Variants in TNXB observed in about 807,000 individuals in gnomAD.
TNXB encodes the protein tenascin-X.
In TNXB, 183 loss-of-function variants were observed where a neutral mutation model predicts 340.5. That is an observed-to-expected ratio of 0.54 (90% CI 0.48 to 0.61). TNXB has a LOEUF of 0.61. Among genes scored for constraint, TNXB ranks in the 20% least tolerant of loss-of-function variants. The probability of loss-of-function intolerance (pLI) is 0.00; values close to 1 mark genes in which losing one functional copy is unlikely to be tolerated. For missense variants in TNXB, 4,613 were observed against 5,446.4 expected (o/e 0.85, Z 4.82); for synonymous variants, 2,121 against 2,314.5 (o/e 0.92, Z 2.40).
chr6:32,058,309 A>G lies in TNXB; in HGVS notation c.7574T>C (p.Leu2525Pro), dbSNP rs756842285. 2 of 1,611,770 alleles carry G rather than the reference A, an allele frequency of 1.2e-6. No homozygotes were observed. The highest frequency in any genetic ancestry group is 2.2e-5 in the South Asian group (2 of 91,064). ...EAPGPPEEPLLGELTVTGSSP... is the reference protein window; with the variant it reads ...EAPGPPEEPLPGELTVTGSSP... ...GGATCCTGTCACTGTCAGCTCCCCCAGGAGAGGCTCCTCGGGGGGCCCTGG... is the reference window on the plus strand; with the variant it reads ...GGATCCTGTCACTGTCAGCTCCCCCGGGAGAGGCTCCTCGGGGGGCCCTGG... Residue 2525 changes from leucine (L) to proline (P), a missense_variant, in exon 22 of 44, where the codon CTG becomes CCG. This residue lies in a region of TNXB where 4,327 missense variants were observed against 4,859.4 expected (regional missense o/e 0.89). Transcript: ENST00000644971. This position sits in a 1 kb window ranked among gnomAD's most constrained non-coding sequence, Gnocchi z 5.1.
In TNXB at chr6:32,097,140, C is replaced by T. The variant is rs543687601; in HGVS notation, c.713G>A (p.Gly238Asp). 2 of 1,604,692 alleles carry T rather than the reference C, an allele frequency of 1.2e-6. No individual in the cohort carries two copies. The highest frequency in any genetic ancestry group is 2.2e-5 in the South Asian group (2 of 89,638). ...CTGGCTGCAGTCGGGGCCTGAGAAGCCTGCCCGGCACACACACACGCCCTG... is the reference window on the plus strand; with the variant it reads ...CTGGCTGCAGTCGGGGCCTGAGAAGTCTGCCCGGCACACACACACGCCCTG... ...CVQGVCVCRA[G>D]FSGPDCSQRS... Residue 238 changes from glycine (G) to aspartate (D), a missense_variant, in exon 3 of 44, where the codon GGC becomes GAC. Gly to Asp is a moderately conservative substitution (Grantham distance 94). Around this residue, in one of 7 missense-constraint regions of TNXB, gnomAD observed 4,327 missense variants for 4,859.4 expected, o/e 0.89. Transcript: ENST00000644971. This position sits in a 1 kb window ranked among gnomAD's most constrained non-coding sequence, Gnocchi z 5.9.
chr6:32,066,638 T>C (rs1217044733), intron 18 of TNXB, among the ~76,000 whole-genome samples: 1 of 152,164 alleles, frequency 6.6e-6, no homozygotes, highest in Non-Finnish European at 1.5e-5. Context: ...AAGATTTCTT[T>C]TGGGGGTGAT....
At position 32,083,454 on chromosome 6, in the gene TNXB, C is replaced by CA. The variant is rs1315904940; in HGVS notation, c.3445+958dup. Among the ~76,000 whole-genome samples the CA allele has an allele frequency of 3.9e-5, 6 of 152,170 alleles. 1 individual carries two copies. Among genetic ancestry groups the CA allele is most frequent in the African/African-American group, 1.4e-4 (6 of 41,436 alleles). On this transcript the variant is annotated intron_variant, in intron 8 of 43. Transcript: ENST00000644971. This position sits in a 1 kb window ranked among gnomAD's most constrained non-coding sequence, Gnocchi z 4.6. ...TCACAACTGACTCTCAATAAATGCA[C>CA]AAAAGGTATTTATGTAAGTGTCTCT...
At position 32,042,685 on chromosome 6, in the gene TNXB, G is replaced by A. The variant is rs764071653; in HGVS notation, c.12058+14C>T. 2.0e-5 allele frequency: 24 copies of A among 1,214,900 alleles called. No homozygotes were observed. Among genetic ancestry groups the A allele is most frequent in the South Asian group, 9.0e-5 (7 of 78,058 alleles). 75.3% of individuals were successfully genotyped at this position (1,214,900 alleles called of 1,614,324 possible). A position where few individuals can be genotyped will look rare whatever the true frequency, so the allele number is the denominator to read the frequency against. ...CCACCCAGCCCCCGGCCCCGGGCCC[G>A]TGCGTCCAGGTACCCGTGGTGAAAG... On this transcript the variant is annotated intron_variant, in intron 39 of 43. Transcript: ENST00000644971.
At position 32,082,368 on chromosome 6, in the gene TNXB, A is replaced by G. The variant is rs750318100; in HGVS notation, c.3446-42T>C. 6.5e-7 allele frequency: 1 copy of G among 1,541,240 alleles called. No homozygotes were observed. The highest frequency in any genetic ancestry group is 1.4e-5 in the African/African-American group (1 of 73,430). On this transcript the variant is annotated intron_variant, in intron 8 of 43. Transcript: ENST00000644971. This position sits in a 1 kb window ranked among gnomAD's most constrained non-coding sequence, Gnocchi z 5.0. ...GAGAGAAGGGAGAGACTTAGGTCCA[A>G]GGAGAATGGGGAAGCCAAATCCCAC...
Position 32,067,735 on chromosome 6 carries a change from C to T in TNXB, c.6470G>A (p.Arg2157His), listed in dbSNP as rs768307848. The stretch of plus-strand genomic sequence containing the variant: ...GCCGTACAGGTGCATCTTGTACTTG[C>T]GCCCAGGCTCCAGGCCCCCCACGGT... ...EVTVGGLEPG[R>H]KYKMHLYGLH... Residue 2157 changes from arginine (R) to histidine (H), a missense_variant, in exon 18 of 44, where the codon CGC (arginine) becomes CAC (histidine). By Grantham distance (29) the Arg-to-His change is conservative (BLOSUM62 0). This residue lies in a region of TNXB where 4,327 missense variants were observed against 4,859.4 expected (regional missense o/e 0.89). Transcript: ENST00000644971. The surrounding 1 kb of genome is among the most constrained non-coding windows in gnomAD (Gnocchi z 4.2). 1.1e-5 allele frequency: 18 copies of T among 1,613,616 alleles called. No homozygotes were observed. The highest frequency in any genetic ancestry group is 2.2e-5 in the East Asian group (1 of 44,882).
chr6:32,097,164 T>G lies in TNXB; in HGVS notation c.689A>C (p.Gln230Pro). The G allele has an allele frequency of 6.3e-7, 1 of 1,597,706 alleles. No homozygotes were observed. Among genetic ancestry groups the G allele is most frequent in the South Asian group, 1.1e-5 (1 of 88,924 alleles). ...GCCTGCCCGGCACACACACACGCCC[T>G]GCACGCAGCGCCCACGGCCTTGGCA... Reference protein sequence around the residue: ...GDCQGRGRCVQGVCVCRAGFS... With the variant: ...GDCQGRGRCVPGVCVCRAGFS... The change falls in exon 3 of 44, where the codon CAG (glutamine) becomes CCG (proline). Residue 230 changes from glutamine to proline, a missense_variant. Coordinates refer to ENST00000644971, the MANE Select transcript of TNXB (RefSeq NM_001365276.2). The surrounding 1 kb of genome is among the most constrained non-coding windows in gnomAD (Gnocchi z 5.9).
chr6:32,044,048 C>A lies in TNXB; in HGVS notation c.11345G>T (p.Arg3782Leu), dbSNP rs542870641. 1.0e-4 allele frequency: 157 copies of A among 1,556,310 alleles called. 1 individual carries two copies. The South Asian group carries it at 1.7e-3, about 17-fold the overall frequency. Residue 3782 changes from arginine (R) to leucine (L), a missense_variant, in exon 34 of 44, where the codon CGG becomes CTG. Physicochemically the swap from Arg to Leu is moderately radical, Grantham distance 102. Around this residue, in one of 7 missense-constraint regions of TNXB, gnomAD observed 14 missense variants for 33.4 expected, o/e 0.42. Transcript: ENST00000644971. ...AKVNWMPPPS[R>L]ADSFKVSYQL... Reference sequence around the variant, plus strand: ...GTAGGAGACTTTGAAGCTGTCCGCCCGGGATGGTGGGGGCATCCAGTTGAC... The same window carrying A: ...GTAGGAGACTTTGAAGCTGTCCGCCAGGGATGGTGGGGGCATCCAGTTGAC...
rs377661896 is a variant in TNXB, at chr6:32,046,180, A to T, written c.10601T>A (p.Met3534Lys). Residue 3534 changes from methionine (M) to lysine (K), a missense_variant, in exon 31 of 44, where the codon ATG (methionine) becomes AAG (lysine). This residue lies in a region of TNXB where 4,327 missense variants were observed against 4,859.4 expected (regional missense o/e 0.89). Coordinates refer to ENST00000644971, the MANE Select transcript of TNXB (RefSeq NM_001365276.2). The surrounding 1 kb of genome is among the most constrained non-coding windows in gnomAD (Gnocchi z 6.9). ...GCCAGGCACAGCAGCCTCACCTGTCATTCCCAGGGCAGAGACCGGGCCCAG... is the reference window on the plus strand; with the variant it reads ...GCCAGGCACAGCAGCCTCACCTGTCTTTCCCAGGGCAGAGACCGGGCCCAG... Reference protein sequence around the residue: ...KRLGPVSALGMTAPEEDTPAP... With the variant: ...KRLGPVSALGKTAPEEDTPAP... 2.3e-5 allele frequency: 37 copies of T among 1,580,838 alleles called. No individual in the cohort carries two copies. In the Middle Eastern group the frequency reaches 3.7e-3, roughly 157 times the overall value.
chr6:32,068,773 T>C lies in TNXB; in HGVS notation c.5902+49A>G. Reference sequence around the variant, plus strand: ...GTATCCGCGGGACTCTGCTGTCCTCTGGACTCTCCCAGCCATCTGAAAGGA... The same window carrying C: ...GTATCCGCGGGACTCTGCTGTCCTCCGGACTCTCCCAGCCATCTGAAAGGA... On this transcript the variant is annotated intron_variant, in intron 16 of 43. Transcript: ENST00000644971. This position sits in a 1 kb window ranked among gnomAD's most constrained non-coding sequence, Gnocchi z 5.3. The C allele has an allele frequency of 1.3e-6, 2 of 1,593,342 alleles. No homozygotes were observed. The highest frequency in any genetic ancestry group is 1.7e-6 in the Non-Finnish European group (2 of 1,167,576).
intron 6 of TNXB, among the ~76,000 whole-genome samples, chr6:32,086,639 G>A (rs1242057877): frequency 1.3e-5 from 2 of 152,202 alleles, no homozygotes; most frequent in East Asian, 3.8e-4. Flanking sequence ...CAGCCACAGG[G>A]TGCCCTTTCC....
At chr6:32,099,492 A>G (rs889600327) in intron 1 of TNXB, among the ~76,000 whole-genome samples, 2 of 152,126 alleles carry the variant, frequency 1.3e-5, no homozygotes, top group African/African-American at 4.8e-5. Context: ...TTGGCCTCCC[A>G]AAGTGCTGGG....
chr6:32,096,352 A>C lies in TNXB; in HGVS notation c.1501T>G (p.Cys501Gly). 2 of 1,553,356 alleles carry C rather than the reference A, an allele frequency of 1.3e-6. No homozygotes were observed. Among genetic ancestry groups the C allele is most frequent in the Non-Finnish European group, 1.7e-6 (2 of 1,156,018 alleles). The stretch of plus-strand genomic sequence containing the variant: ...TCCACGCAGCGCCCGCGCCCGCGAC[A>C]GTCGCCAGGACAGGCGCGCGTGCCG... ...DCGTRACPGD[C>G]RGRGRCVDGR... Residue 501 changes from cysteine to glycine, a missense_variant, in exon 3 of 44, where the codon TGT (cysteine) becomes GGT (glycine). Cys to Gly is a radical substitution (Grantham distance 159). Around this residue, in one of 7 missense-constraint regions of TNXB, gnomAD observed 4,327 missense variants for 4,859.4 expected, o/e 0.89. Transcript: ENST00000644971.
At position 32,052,779 on chromosome 6, in the gene TNXB, C is replaced by T. The variant is rs1217919520; in HGVS notation, c.9006G>A (p.Glu3002=). ...RPQVVRVRGE[E]SEVTVGGLEP... ...CCAGGCCCCCCACGGTGACCTCGCTCTCCTCGCCCCTGACACGCACCACCT... is the reference window on the plus strand; with the variant it reads ...CCAGGCCCCCCACGGTGACCTCGCTTTCCTCGCCCCTGACACGCACCACCT... Residue 3002 remains glutamate, a synonymous_variant, in exon 26 of 44, where the codon GAG becomes GAA. Coordinates refer to ENST00000644971, the MANE Select transcript of TNXB (RefSeq NM_001365276.2). The surrounding 1 kb of genome is among the most constrained non-coding windows in gnomAD (Gnocchi z 4.7). The T allele has an allele frequency of 9.9e-6, 16 of 1,613,712 alleles. No individual in the cohort carries two copies. Among genetic ancestry groups the T allele is most frequent in the Non-Finnish European group, 1.3e-5 (15 of 1,179,892 alleles).
At position 32,056,146 on chromosome 6, in the gene TNXB, C is replaced by T. The variant is rs1383180942; in HGVS notation, c.8172G>A (p.Thr2724=). Residue 2724 remains threonine, a synonymous_variant, in exon 24 of 44, where the codon ACG becomes ACA. Coordinates refer to ENST00000644971, the MANE Select transcript of TNXB (RefSeq NM_001365276.2). ...TAAEEETPSP[T]ELSTEAPEPP... ...GCTCCGGGGCCTCAGTGCTGAGTTCCGTGGGGCTGGGGGTCTCTTCCTCTG... is the reference window on the plus strand; with the variant it reads ...GCTCCGGGGCCTCAGTGCTGAGTTCTGTGGGGCTGGGGGTCTCTTCCTCTG... 6.8e-6 allele frequency: 11 copies of T among 1,612,154 alleles called. No homozygotes were observed. Among genetic ancestry groups the T allele is most frequent in the African/African-American group, 6.7e-5 (5 of 74,968 alleles).
chr6:32,053,343 G>C, intron 25 of TNXB, 45 bp downstream of exon 25: 1 of 1,589,162 alleles, frequency 6.3e-7, no homozygotes, highest in Non-Finnish European at 8.6e-7. Context: ...GAGAAAGGGA[G>C]ACCCTCCCAC....
In TNXB at chr6:32,108,303, G is replaced by T. The variant is rs1313995679; in HGVS notation, c.-9+878C>A. ...CTATGCCATTAAATTCTTTCCAGGC[G>T]AGATAAGGGGCCCGCCCTTCCCACC... On this transcript the variant is annotated intron_variant, in intron 1 of 43. Transcript: ENST00000644971. This position sits in a 1 kb window ranked among gnomAD's most constrained non-coding sequence, Gnocchi z 4.8. 1.3e-5 allele frequency among the ~76,000 whole-genome samples: 2 copies of T among 152,154 alleles called. No homozygotes were observed. The highest frequency in any genetic ancestry group is 2.9e-5 in the Non-Finnish European group (2 of 68,030).
Position 32,043,004 on chromosome 6 carries a change from C to T in TNXB, c.11872G>A (p.Val3958Ile), listed in dbSNP as rs1322276529. 3 of 270,920 alleles carry T rather than the reference C, an allele frequency of 1.1e-5. No individual in the cohort carries two copies. The East Asian group carries it at 2.0e-4, about 18-fold the overall frequency. 16.8% of individuals were successfully genotyped at this position (270,920 alleles called of 1,614,324 possible). The change falls in exon 38 of 44, where the codon GTC (valine) becomes ATC (isoleucine). Residue 3958 changes from valine (V) to isoleucine (I), a missense_variant. Val to Ile is a conservative substitution (Grantham distance 29). Around this residue, in one of 7 missense-constraint regions of TNXB, gnomAD observed 114 missense variants for 104.5 expected, o/e 1.09. Transcript: ENST00000644971. ...TALLTWTEPPVRPAGYLLSFH... is the reference protein window; with the variant it reads ...TALLTWTEPPIRPAGYLLSFH... ...CTGAGCAGGTAGCCTGCGGGCCGGA[C>T]TGGGGGCTCAGTCCAAGTGAGCAGG...
rs776649778 is a variant in TNXB, at chr6:32,047,709, A to G, written c.10324+25T>C. The G allele has an allele frequency of 6.4e-7, 1 of 1,558,758 alleles. No individual in the cohort carries two copies. Among genetic ancestry groups the G allele is most frequent in the Non-Finnish European group, 8.7e-7 (1 of 1,150,306 alleles). ...CTCGGATGAGAGGCAGCTCTGGAAA[A>G]GGTGGAGGCTGGACTGGGACTCACC... On this transcript the variant is annotated intron_variant, in intron 30 of 43. Coordinates refer to ENST00000644971, the MANE Select transcript of TNXB (RefSeq NM_001365276.2). The surrounding 1 kb of genome is among the most constrained non-coding windows in gnomAD (Gnocchi z 6.2).
Sources: allele counts gnomAD v4.1 joint callset (sites outside exome capture counted in the v4.1 genomes callset), GRCh38; gene constraint gnomAD v4.1.1; regional missense constraint gnomAD v4.1.1; non-coding constraint Gnocchi (gnomAD v3.1); transcripts MANE v1.5; gene names NCBI Gene and HGNC (gene_info 2026-07-23, HGNC 2026-07-21).